PLD5: variants seen among roughly 807,000 people sequenced by gnomAD.
The protein encoded by PLD5 is phospholipase D family member 5.
Under a neutral mutation model 61.1 loss-of-function variants are expected in PLD5, and 36 were observed. The observed-to-expected ratio is 0.59, with a 90% confidence interval of 0.45 to 0.78. The LOEUF is 0.78. Ranked by LOEUF, PLD5 falls within the 30% of genes least tolerant of loss-of-function variation. The pLI, the probability that PLD5 is intolerant of heterozygous loss-of-function variation, is 0.00. For synonymous variants in PLD5, 243 were observed against 242.8 expected (o/e 1.00, Z -0.01); for missense variants, 515 against 644.4 (o/e 0.80, Z 2.17).
chr1:242,505,747 G>A (rs1171518740), intron 1 of PLD5, among the ~76,000 whole-genome samples: 1 of 152,186 alleles, frequency 6.6e-6, no homozygotes, highest in Non-Finnish European at 1.5e-5. Context: ...GAGCTCAGAG[G>A]TGAGGGGCAT....
chr1:242,183,458 A>G (rs945431932), intron 5 of PLD5, among the ~76,000 whole-genome samples: 9 of 152,158 alleles, frequency 5.9e-5, no homozygotes, highest in Non-Finnish European at 1.2e-4. Context: ...CAAAAAGAGG[A>G]AATAAAGAGA....
intron 1 of PLD5, among the ~76,000 whole-genome samples, chr1:242,477,552 C>T (rs889222769): frequency 3.3e-5 from 5 of 152,140 alleles, no homozygotes; most frequent in East Asian, 1.9e-4. Flanking sequence ...GCAGTTGAGG[C>T]GCAGGGGAGA....
chr1:242,358,301 C>T (rs778130926), intron 1 of PLD5, among the ~76,000 whole-genome samples: 148 of 152,040 alleles, frequency 9.7e-4, no homozygotes, highest in Non-Finnish European at 1.5e-3. Context: ...CATGATTTCT[C>T]AAATCTGTGT....
intron 1 of PLD5, among the ~76,000 whole-genome samples, chr1:242,407,892 A>G (rs1307193727): frequency 6.7e-6 from 1 of 149,834 alleles, no homozygotes; most frequent in Non-Finnish European, 1.5e-5. Flanking sequence ...TACAGATTTT[A>G]AAGACAAAAG....
intron 1 of PLD5, among the ~76,000 whole-genome samples, chr1:242,494,431 C>T (rs1309001546): frequency 6.6e-6 from 1 of 152,120 alleles, no homozygotes; most frequent in African/African-American, 2.4e-5. Context: ...TTTCTGCAGA[C>T]ATGGTTTTCC....
intron 5 of PLD5, among the ~76,000 whole-genome samples, chr1:242,196,662 A>G: frequency 6.6e-6 from 1 of 152,232 alleles, no homozygotes; most frequent in East Asian, 1.9e-4. Context: ...CTCTTCAAAT[A>G]TAGCTATATT....
chr1:242,178,296 T>C (rs1436931912), intron 5 of PLD5: 2 of 152,230 alleles, frequency 1.3e-5, no homozygotes, highest in African/African-American at 4.8e-5. Flanking sequence ...GTGTTCCAGC[T>C]TCTAGACTTC....
chr1:242,244,482 G>T (rs1672246079), intron 4 of PLD5, among the ~76,000 whole-genome samples: 1 of 152,214 alleles, frequency 6.6e-6, no homozygotes, highest in Non-Finnish European at 1.5e-5. Flanking sequence ...GGGTACTTGA[G>T]CTGAGAAAAA....
chr1:242,224,940 G>A (rs1458935726), intron 4 of PLD5, among the ~76,000 whole-genome samples: 2 of 152,104 alleles, frequency 1.3e-5, no homozygotes, highest in South Asian at 2.1e-4. Context: ...CAGTGTCATC[G>A]TCCCCAGGCT....
chr1:242,243,672 C>T (rs550280652), intron 4 of PLD5, among the ~76,000 whole-genome samples: 9 of 152,308 alleles, frequency 5.9e-5, no homozygotes, highest in African/African-American at 2.2e-4. Flanking sequence ...TTGGGAAACT[C>T]TTCCTAGGCC....
chr1:242,396,343 G>T (rs867922339), intron 1 of PLD5, among the ~76,000 whole-genome samples: 1 of 152,156 alleles, frequency 6.6e-6, no homozygotes, highest in Non-Finnish European at 1.5e-5. Context: ...TTGGACACTG[G>T]ATGGTCAATA....
At chr1:242,509,950 G>T (rs576081463) in intron 1 of PLD5, among the ~76,000 whole-genome samples, 3 of 152,066 alleles carry the variant, frequency 2.0e-5, no homozygotes, top group South Asian at 4.1e-4. Flanking sequence ...CTCCTGAAAC[G>T]CCCCACCCAA....
chr1:242,119,542 TGATA>T (rs1662208919), intron 6 of PLD5, among the ~76,000 whole-genome samples: 1 of 152,198 alleles, frequency 6.6e-6, no homozygotes, highest in Non-Finnish European at 1.5e-5. Flanking sequence ...ATTTCATATT[TGATA>T]GATATTTTGT....
At chr1:242,105,817 T>G (rs1039373354) in intron 8 of PLD5, among the ~76,000 whole-genome samples, 3 of 151,896 alleles carry the variant, frequency 2.0e-5, no homozygotes, top group African/African-American at 7.3e-5. Context: ...ACTCTATCAT[T>G]AGAGAGAGAG....
intron 3 of PLD5, among the ~76,000 whole-genome samples, chr1:242,282,764 A>AATTCCC (rs1674783113): frequency 6.6e-6 from 1 of 152,094 alleles, no homozygotes; most frequent in South Asian, 2.1e-4. Context: ...TGATTTCATA[A>AATTCCC]ATTCCCATCA....
chr1:242,329,576 C>G (rs1421029627), intron 2 of PLD5, among the ~76,000 whole-genome samples: 2 of 152,210 alleles, frequency 1.3e-5, no homozygotes, highest in African/African-American at 4.8e-5. Context: ...TTTGATATAA[C>G]CAGTCATCTG....
intron 1 of PLD5, among the ~76,000 whole-genome samples, chr1:242,381,493 CACACATTT>C (rs1210764619): frequency 6.6e-6 from 1 of 152,134 alleles, no homozygotes; most frequent in Non-Finnish European, 1.5e-5. Context: ...CATCACAGGG[CACACATTT>C]ACCCATGTAA....
intron 1 of PLD5, among the ~76,000 whole-genome samples, chr1:242,402,916 C>T (rs1172012481): frequency 2.0e-5 from 3 of 152,160 alleles, no homozygotes; most frequent in South Asian, 2.1e-4. Context: ...AAGTAATTTA[C>T]TGCAGCAATA....
At chr1:242,382,128 C>CAAAAAAAAAAA (rs34582650) in intron 1 of PLD5, among the ~76,000 whole-genome samples, 88 of 125,580 alleles carry the variant, frequency 7.0e-4, no homozygotes, top group African/African-American at 1.4e-3. Flanking sequence ...ACTTTGACAG[C>CAAAAAAAAAAA]AAAAAAAAAA....
Sources: gnomAD v4.1 joint callset for allele counts (sites outside exome capture counted in the v4.1 genomes callset) on GRCh38, gnomAD v4.1.1 for gene constraint, MANE v1.5 for transcripts, NCBI Gene and HGNC (gene_info 2026-07-23, HGNC 2026-07-21) for gene names.